R3HCC1L: variants seen among roughly 807,000 people sequenced by gnomAD.
R3HCC1L encodes coiled-coil domain-containing protein R3HCC1L.
Under a neutral mutation model 59.9 loss-of-function variants are expected in R3HCC1L, and 51 were observed. The ratio of observed to expected loss-of-function variants is 0.85; its 90% CI spans 0.68 to 1.07. The LOEUF is 1.07. R3HCC1L is among the 50% of genes least tolerant of loss of function. R3HCC1L has a pLI of 0.00. For synonymous variants in R3HCC1L, 322 were observed against 315.2 expected (o/e 1.02, Z -0.23); for missense variants, 965 against 933.0 (o/e 1.03, Z -0.45).
At chr10:98,198,748 A>G (rs182107099) in intron 4 of R3HCC1L, among the ~76,000 whole-genome samples, 69 of 152,248 alleles carry the variant, frequency 4.5e-4, no homozygotes, top group African/African-American at 1.6e-3. Context: ...GGTTTAGTTG[A>G]TTTCTTGATT....
intron 1 of R3HCC1L, among the ~76,000 whole-genome samples, chr10:98,143,583 T>G (rs1845380540): frequency 6.6e-6 from 1 of 152,208 alleles, no homozygotes; most frequent in Non-Finnish European, 1.5e-5. Context: ...CTTCTAACAC[T>G]TTGGTGAAGG....
At chr10:98,227,587 T>C (rs1855818266) in intron 5 of R3HCC1L, among the ~76,000 whole-genome samples, 1 of 151,850 alleles carries the variant, frequency 6.6e-6, no homozygotes, top group Non-Finnish European at 1.5e-5. Flanking sequence ...TTTTTTTTTT[T>C]TTTTTTAATT....
chr10:98,155,897 CTTAA>C (rs1846814603), intron 1 of R3HCC1L, among the ~76,000 whole-genome samples, 192 bp from the exon 2 acceptor site: 1 of 151,312 alleles, frequency 6.6e-6, no homozygotes, highest in African/African-American at 2.4e-5. Context: ...TCCCTAGCTT[CTTAA>C]TTTAGTTATA....
At chr10:98,139,958 A>C (rs929477907) in intron 1 of R3HCC1L, among the ~76,000 whole-genome samples, 4 of 151,760 alleles carry the variant, frequency 2.6e-5, no homozygotes, top group African/African-American at 4.8e-5. Flanking sequence ...GAGGTTTCCA[A>C]ATAACATGGG....
intron 1 of R3HCC1L, among the ~76,000 whole-genome samples, chr10:98,152,839 G>A (rs1328207184): frequency 4.7e-5 from 7 of 149,106 alleles, no homozygotes; most frequent in Non-Finnish European, 7.5e-5. Context: ...CCCGGCAGCC[G>A]CCCCGTCTGG....
rs184347930 is a variant in R3HCC1L, at chr10:98,158,743, G to A, written c.-213+2596G>A. Among the ~76,000 whole-genome samples the A allele has an allele frequency of 3.3e-5, 5 of 151,998 alleles. No individual in the cohort carries two copies. In the East Asian group the frequency reaches 9.6e-4, roughly 29 times the overall value. On this transcript the variant is annotated intron_variant, in intron 2 of 9. Transcript: ENST00000298999. ...CAAAAGAAAATTCCAGGTCATGAGT[G>A]CACTCAGTTGTCATATCTCTAGTTT... is the stretch of plus-strand genomic sequence containing the variant.
At chr10:98,145,316 A>C (rs1845548480) in intron 1 of R3HCC1L, among the ~76,000 whole-genome samples, 1 of 152,224 alleles carries the variant, frequency 6.6e-6, no homozygotes, top group African/African-American at 2.4e-5. Flanking sequence ...CTCTTGTGGA[A>C]GAAGAAGAGT....
In R3HCC1L at chr10:98,235,492, A is replaced by G. The variant is rs777322129; in HGVS notation, c.2100A>G (p.Ala700=). The G allele has an allele frequency of 6.2e-6, 10 of 1,613,562 alleles. No homozygotes were observed. In the South Asian group the frequency reaches 6.6e-5, roughly 11 times the overall value. Residue 700 remains alanine (A), a synonymous_variant, in exon 8 of 10, where the codon GCA becomes GCG. Coordinates refer to ENST00000298999, the MANE Select transcript of R3HCC1L (RefSeq NM_001351015.2). The part of the protein sequence containing the change: ...KIRPLSQATR[A]AKAKARAYAE... ...GTCCCTTGTCACAGGCCACAAGAGC[A>G]GCCAAGGCCAAAGCTAGAGCTTATG...
At chr10:98,135,599 A>G (rs772719924) in intron 1 of R3HCC1L, among the ~76,000 whole-genome samples, 2 of 152,196 alleles carry the variant, frequency 1.3e-5, no homozygotes, top group African/African-American at 4.8e-5. Flanking sequence ...AATAGGGGGA[A>G]AGTGTCTTTG....
chr10:98,179,079 G>A (rs573800726), intron 4 of R3HCC1L, among the ~76,000 whole-genome samples: 4 of 152,184 alleles, frequency 2.6e-5, no homozygotes, highest in African/African-American at 9.6e-5. Context: ...AATTGCCCTG[G>A]CCAGAACTTC....
At chr10:98,140,998 T>C (rs1040166574) in intron 1 of R3HCC1L, among the ~76,000 whole-genome samples, 1 of 151,916 alleles carries the variant, frequency 6.6e-6, no homozygotes, top group Non-Finnish European at 1.5e-5. Context: ...CATAACATAA[T>C]GAGGCCCACA....
At chr10:98,242,383 AT>A (rs2135783400) in intron 9 of R3HCC1L, among the ~76,000 whole-genome samples, 1 of 152,252 alleles carries the variant, frequency 6.6e-6, no homozygotes, top group East Asian at 1.9e-4. Context: ...AACTTTCCAG[AT>A]TTTAGAAAGG....
chr10:98,218,327 A>T (rs924962060), intron 5 of R3HCC1L, among the ~76,000 whole-genome samples: 2 of 152,112 alleles, frequency 1.3e-5, no homozygotes, highest in African/African-American at 4.8e-5. Context: ...AAAAATCAAC[A>T]AAATACTAGT....
intron 4 of R3HCC1L, among the ~76,000 whole-genome samples, chr10:98,173,033 T>C (rs945374780): frequency 1.3e-5 from 2 of 152,238 alleles, no homozygotes; most frequent in East Asian, 1.9e-4. Flanking sequence ...ATTCTTGTTT[T>C]TCTTAAATCA....
intron 1 of R3HCC1L, among the ~76,000 whole-genome samples, chr10:98,152,587 G>A (rs1451218618): frequency 1.6e-5 from 2 of 128,562 alleles, no homozygotes; most frequent in East Asian, 5.0e-4. Flanking sequence ...GAAGTGAGGA[G>A]CGTCTCTGCC....
At chr10:98,140,547 G>A (rs751849520) in intron 1 of R3HCC1L, among the ~76,000 whole-genome samples, 4 of 152,100 alleles carry the variant, frequency 2.6e-5, no homozygotes, top group Admixed American at 6.6e-5. Context: ...GTAGACAGAC[G>A]GGCAGAGTTA....
At position 98,209,764 on chromosome 10, in the gene R3HCC1L, A is replaced by G. The variant is rs761792896; in HGVS notation, c.1650A>G (p.Ser550=). 1.2e-5 allele frequency: 20 copies of G among 1,613,820 alleles called. No homozygotes were observed. The highest frequency in any genetic ancestry group is 1.6e-4 in the Middle Eastern group (1 of 6,082). ...EFGVSFPDRE[S]SSMETSIEPK... ...GTGTATCTTTTCCTGATAGGGAATC[A>G]TCATCTATGGAAACATCCATCGAAC... Residue 550 remains serine, a synonymous_variant, in exon 5 of 10, where the codon TCA becomes TCG. Coordinates refer to ENST00000298999, the MANE Select transcript of R3HCC1L (RefSeq NM_001351015.2).
intron 1 of R3HCC1L, among the ~76,000 whole-genome samples, chr10:98,138,878 GA>G (rs1422218705): frequency 2.0e-5 from 3 of 152,304 alleles, no homozygotes; most frequent in African/African-American, 7.2e-5. Flanking sequence ...GCATGGTTGA[GA>G]AGATTAAAGA....
intron 4 of R3HCC1L, among the ~76,000 whole-genome samples, chr10:98,196,326 T>C (rs1421641391): frequency 6.6e-6 from 1 of 152,188 alleles, no homozygotes; most frequent in Admixed American, 6.6e-5. Flanking sequence ...GGGATATTTA[T>C]CTCCCCAATT....
Sources: gnomAD v4.1 joint callset for allele counts (sites outside exome capture counted in the v4.1 genomes callset) on GRCh38, gnomAD v4.1.1 for gene constraint, MANE v1.5 for transcripts, NCBI Gene and HGNC (gene_info 2026-07-23, HGNC 2026-07-21) for gene names.